FMN1: variants seen among roughly 807,000 people sequenced by gnomAD.
FMN1 encodes formin 1, also known as formin-1.
In FMN1, 110 loss-of-function variants were observed where a neutral mutation model predicts 132.4. The ratio of observed to expected loss-of-function variants is 0.83; its 90% CI spans 0.71 to 0.97. The LOEUF (loss-of-function observed/expected upper bound fraction) is 0.97, where lower values mean the gene tolerates loss of function less well. FMN1 is among the 50% of genes least tolerant of loss of function. FMN1 has a pLI of 0.00. For missense variants in FMN1, 1,792 were observed against 1,705.3 expected, an observed-to-expected ratio of 1.05 and a Z score of -0.90; for synonymous variants, 722 against 651.7, an observed-to-expected ratio of 1.11 and a Z score of -1.64.
At chr15:32,911,989 C>T (rs760387742) in intron 10 of FMN1, among the ~76,000 whole-genome samples, 1 of 152,134 alleles carries the variant, frequency 6.6e-6, no homozygotes, top group African/African-American at 2.4e-5. Flanking sequence ...CCAAAATAGC[C>T]AGAAACAATG....
intron 3 of FMN1, among the ~76,000 whole-genome samples, chr15:33,176,777 T>G (rs1965529983): frequency 6.6e-6 from 1 of 152,216 alleles, no homozygotes; most frequent in South Asian, 2.1e-4. Flanking sequence ...AGGGTCACCC[T>G]GTCGGTGGAG....
At chr15:32,884,401 T>C (rs79756010) in intron 16 of FMN1, among the ~76,000 whole-genome samples, 4,262 of 152,274 alleles carry the variant, frequency 0.028, 197 homozygotes, top group African/African-American at 0.093. Flanking sequence ...CTTACGTCGT[T>C]ATATCTCCCT....
At chr15:33,012,892 T>C in intron 6 of FMN1, 1 of 571,876 alleles carries the variant, frequency 1.7e-6, no homozygotes, top group South Asian at 1.4e-5. Flanking sequence ...TGGTGGAAGC[T>C]ACAATGATTT....
chr15:32,918,089 C>G (rs1490692739), intron 10 of FMN1, among the ~76,000 whole-genome samples: 1 of 151,702 alleles, frequency 6.6e-6, no homozygotes, highest in African/African-American at 2.4e-5. Context: ...AGCTAAGGCA[C>G]AGCAGACAGA....
At chr15:32,785,218 A>ATATATATATAT (rs1444523400) in intron 19 of FMN1, among the ~76,000 whole-genome samples, 5 of 39,202 alleles carry the variant, frequency 1.3e-4, no homozygotes, top group African/African-American at 4.8e-4. Flanking sequence ...ATATATATAT[A>ATATATATATAT]TTTTTTTTTT....
chr15:32,876,692 T>A (rs901920980), intron 16 of FMN1, among the ~76,000 whole-genome samples: 5 of 152,212 alleles, frequency 3.3e-5, no homozygotes, highest in Non-Finnish European at 2.9e-5. Flanking sequence ...TATAAATATC[T>A]AGAAAGATTC....
chr15:32,921,126 A>G (rs11856036), intron 10 of FMN1, among the ~76,000 whole-genome samples: 1 of 152,196 alleles, frequency 6.6e-6, no homozygotes, highest in Admixed American at 6.5e-5. Flanking sequence ...TGAAGGAAAT[A>G]AGAGTATTAA....
chr15:33,004,082 A>G (rs937357701), intron 7 of FMN1, among the ~76,000 whole-genome samples: 7 of 152,210 alleles, frequency 4.6e-5, no homozygotes, highest in Non-Finnish European at 7.4e-5. Flanking sequence ...ACCTAAAACC[A>G]TAAAAACCCT....
chr15:32,915,609 T>C (rs1292871391), intron 10 of FMN1, among the ~76,000 whole-genome samples: 2 of 152,214 alleles, frequency 1.3e-5, no homozygotes, highest in South Asian at 4.1e-4. Context: ...CTATGCAATT[T>C]TACAGCAAGC....
intron 6 of FMN1, among the ~76,000 whole-genome samples, chr15:33,025,731 A>G (rs2035633919): frequency 6.6e-6 from 1 of 152,186 alleles, no homozygotes; most frequent in African/African-American, 2.4e-5. Flanking sequence ...GTATCTCAAA[A>G]TCTCAAAATG....
chr15:33,025,709 A>G (rs345865), intron 6 of FMN1, among the ~76,000 whole-genome samples: 60,100 of 152,034 alleles, frequency 0.4, 12,229 homozygotes, highest in Admixed American at 0.48. Context: ...ATACTAATGG[A>G]GAAAACCTAT....
At chr15:33,042,108 A>G (rs1269000045) in intron 6 of FMN1, among the ~76,000 whole-genome samples, 1 of 152,190 alleles carries the variant, frequency 6.6e-6, no homozygotes, top group African/African-American at 2.4e-5. Flanking sequence ...ATAGAAACAT[A>G]AAAATCAATT....
At chr15:33,009,849 A>G (rs1596462668) in intron 6 of FMN1, among the ~76,000 whole-genome samples, 1 of 152,216 alleles carries the variant, frequency 6.6e-6, no homozygotes, top group East Asian at 1.9e-4. Flanking sequence ...ACTACTCAGC[A>G]ATAAAGACGA....
chr15:33,051,737 C>A (rs2036983423), intron 6 of FMN1, among the ~76,000 whole-genome samples: 1 of 152,158 alleles, frequency 6.6e-6, no homozygotes, highest in South Asian at 2.1e-4. Context: ...CTCCAATAAA[C>A]ACACTGTACA....
At chr15:32,804,403 T>C in intron 17 of FMN1, 71 bp from the exon 18 acceptor site, 1 of 517,046 alleles carries the variant, frequency 1.9e-6, no homozygotes, top group Non-Finnish European at 3.2e-6. Context: ...ACAGCTTCAA[T>C]TACACCCATT....
chr15:33,027,954 T>C (rs534777999), intron 6 of FMN1, among the ~76,000 whole-genome samples: 1 of 152,342 alleles, frequency 6.6e-6, no homozygotes, highest in East Asian at 1.9e-4. Context: ...GCTACAGTGT[T>C]ACTAGCATCA....
intron 3 of FMN1, among the ~76,000 whole-genome samples, chr15:33,158,529 G>T (rs917613195): frequency 6.6e-6 from 1 of 152,068 alleles, no homozygotes; most frequent in Non-Finnish European, 1.5e-5. Flanking sequence ...TGGTGCACAT[G>T]TCCGGAACCA....
chr15:32,954,145 T>C (rs1465500647), intron 9 of FMN1, among the ~76,000 whole-genome samples: 4 of 152,212 alleles, frequency 2.6e-5, no homozygotes, highest in Non-Finnish European at 5.9e-5. Flanking sequence ...CAGTTTTCTC[T>C]ATCATATTTC....
intron 6 of FMN1, among the ~76,000 whole-genome samples, chr15:33,011,616 A>G (rs1471859312): frequency 6.6e-6 from 1 of 152,156 alleles, no homozygotes; most frequent in East Asian, 1.9e-4. Context: ...TTCTTAAAAT[A>G]TACCATAGAG....
Sources: gnomAD v4.1 joint callset for allele counts (sites outside exome capture counted in the v4.1 genomes callset) on GRCh38, gnomAD v4.1.1 for gene constraint, MANE v1.5 for transcripts, NCBI Gene and HGNC (gene_info 2026-07-23, HGNC 2026-07-21) for gene names.